Variants in C6orf132 observed in about 807,000 individuals in gnomAD.
The protein encoded by C6orf132 is chromosome 6 open reading frame 132, also known as uncharacterized protein C6orf132.
A neutral mutation model predicts 65.3 loss-of-function variants in C6orf132; 43 were observed. The ratio of observed to expected loss-of-function variants is 0.66; its 90% CI spans 0.52 to 0.85. The LOEUF (loss-of-function observed/expected upper bound fraction) is 0.85. Among genes scored for constraint, C6orf132 ranks in the 40% least tolerant of loss-of-function variants. The pLI is 0.00. For missense variants in C6orf132, 1,488 were observed against 1,548.8 expected, an observed-to-expected ratio of 0.96 and a Z score of 0.66; for synonymous variants, 631 against 654.1, an observed-to-expected ratio of 0.96 and a Z score of 0.54.
rs1281471527 is a variant in C6orf132, at chr6:42,124,293, G to A, written c.252+4379C>T. Among the ~76,000 whole-genome samples, 1 of 152,216 alleles carries A rather than the reference G, an allele frequency of 6.6e-6. No individual in the cohort carries two copies. The highest frequency in any genetic ancestry group is 1.5e-5 in the Non-Finnish European group (1 of 68,036). ...CTGCTGGATGCCTGATAAACACTTC[G>A]TAATTCCCAGCACCCACAGCACACA... On this transcript the variant is annotated intron_variant, in intron 2 of 4. Transcript: ENST00000341865. This position sits in a 1 kb window ranked among gnomAD's most constrained non-coding sequence, Gnocchi z 4.0.
rs745628273 is a variant in C6orf132, at chr6:42,104,758, C to T, written c.3154G>A (p.Glu1052Lys). 3.3e-4 allele frequency: 495 copies of T among 1,518,558 alleles called. No homozygotes were observed. Among genetic ancestry groups the T allele is most frequent in the Non-Finnish European group, 4.2e-4 (484 of 1,139,228 alleles). 94.1% of individuals were successfully genotyped at this position (1,518,558 alleles called of 1,614,324 possible). ...GARYAGAGGLERFSGGGRSLI... is the reference protein window; with the variant it reads ...GARYAGAGGLKRFSGGGRSLI... ...GAGCGGCCCCCTCCCGAGAAGCGCTCCAGGCCCCCAGCCCCGGCGTAGCGC... is the reference window on the plus strand; with the variant it reads ...GAGCGGCCCCCTCCCGAGAAGCGCTTCAGGCCCCCAGCCCCGGCGTAGCGC... The change falls in exon 4 of 5, where the codon GAG becomes AAG. Residue 1052 changes from glutamate (E) to lysine (K), a missense_variant. Coordinates refer to ENST00000341865, the MANE Select transcript of C6orf132 (RefSeq NM_001164446.3). This position sits in a 1 kb window ranked among gnomAD's most constrained non-coding sequence, Gnocchi z 4.1.
At position 42,103,592 on chromosome 6, in the gene C6orf132, T is replaced by A; in HGVS notation, c.*169A>T. The A allele has an allele frequency of 3.1e-6, 1 of 324,528 alleles. No individual in the cohort carries two copies. Among genetic ancestry groups the A allele is most frequent in the South Asian group, 1.2e-4 (1 of 8,494 alleles). The allele number at this position is 324,528 out of a possible 1,614,324, so 20.1% of individuals were successfully genotyped here. On this transcript the variant is annotated 3_prime_UTR_variant, in exon 5 of 5. Transcript: ENST00000341865. ...TTGGGAAACAGAAGCCCACTCTCGG[T>A]CTTCCTGGGCCACTGCTTCTCATCG...
chr6:42,139,943 T>G (rs564507744), intron 1 of C6orf132, among the ~76,000 whole-genome samples: 1 of 152,304 alleles, frequency 6.6e-6, no homozygotes, highest in South Asian at 2.1e-4. Context: ...CTTAGCCCTA[T>G]GTATTGACAG....
chr6:42,137,331 G>A (rs906525034), intron 1 of C6orf132, among the ~76,000 whole-genome samples: 5 of 152,174 alleles, frequency 3.3e-5, no homozygotes, highest in South Asian at 2.1e-4. Flanking sequence ...ATGGGGCGGC[G>A]GAGGGTGTAT....
chr6:42,114,333 G>A (rs1366536600), intron 2 of C6orf132, among the ~76,000 whole-genome samples: 3 of 152,166 alleles, frequency 2.0e-5, no homozygotes, highest in African/African-American at 7.2e-5. Context: ...CCAAAGGCCA[G>A]CCTCATCCCT....
At chr6:42,117,795 G>C (rs1202143621) in intron 2 of C6orf132, among the ~76,000 whole-genome samples, 2 of 151,552 alleles carry the variant, frequency 1.3e-5, no homozygotes, top group Non-Finnish European at 2.9e-5. Context: ...GTAGTGGTGG[G>C]CACCTGTAAT....
chr6:42,136,135 A>T (rs1248128644), intron 1 of C6orf132, among the ~76,000 whole-genome samples: 3 of 145,274 alleles, frequency 2.1e-5, no homozygotes, highest in Admixed American at 7.2e-5. Flanking sequence ...AATAAAAAAA[A>T]AATAAAAACT....
intron 2 of C6orf132, among the ~76,000 whole-genome samples, chr6:42,125,786 G>A (rs1489209541): frequency 6.6e-6 from 1 of 151,242 alleles, no homozygotes; most frequent in Non-Finnish European, 1.5e-5. Context: ...CCTTTGGCCA[G>A]GTCTGCCTGG....
In C6orf132 at chr6:42,142,562, T is replaced by C; in HGVS notation, c.-118A>G. 5.2e-6 allele frequency: 3 copies of C among 579,328 alleles called. No individual in the cohort carries two copies. Among genetic ancestry groups the C allele is most frequent in the South Asian group, 3.4e-5 (1 of 29,750 alleles). The allele number at this position is 579,328 out of a possible 1,614,324, so 35.9% of individuals were successfully genotyped here. A position where few individuals can be genotyped will look rare whatever the true frequency, so the allele number is the denominator to read the frequency against. On this transcript the variant is annotated 5_prime_UTR_variant, in exon 1 of 5. Coordinates refer to ENST00000341865, the MANE Select transcript of C6orf132 (RefSeq NM_001164446.3). ...CTCTACCAGGCCATGTCCCCCGCCG[T>C]CCTCCCCGCCCGCGCACCGGGCAAC...
At position 42,124,620 on chromosome 6, in the gene C6orf132, C is replaced by T. The variant is rs966548966; in HGVS notation, c.252+4052G>A. On this transcript the variant is annotated intron_variant, in intron 2 of 4. Transcript: ENST00000341865. This position sits in a 1 kb window ranked among gnomAD's most constrained non-coding sequence, Gnocchi z 4.0. ...CCGGCTGGGACAGTGTCAGGCAGGGCTAGGCACCGGCCCAGCTCCCCACCC... is the reference window on the plus strand; with the variant it reads ...CCGGCTGGGACAGTGTCAGGCAGGGTTAGGCACCGGCCCAGCTCCCCACCC... 1.3e-5 allele frequency among the ~76,000 whole-genome samples: 2 copies of T among 152,182 alleles called. No individual in the cohort carries two copies. Among genetic ancestry groups the T allele is most frequent in the Admixed American group, 6.5e-5 (1 of 15,282 alleles).
rs1038731372 is a variant in C6orf132, at chr6:42,103,023, C to T, written c.*738G>A. Reference sequence around the variant, plus strand: ...ACCTTGTTTCCCATCCTAAACTTGCCAAGTGTCCTCTCTCTAGGCCTCCCT... The same window carrying T: ...ACCTTGTTTCCCATCCTAAACTTGCTAAGTGTCCTCTCTCTAGGCCTCCCT... On this transcript the variant is annotated 3_prime_UTR_variant, in exon 5 of 5. Transcript: ENST00000341865. 1 of 395,044 alleles carries T rather than the reference C, an allele frequency of 2.5e-6. No homozygotes were observed. Among genetic ancestry groups the T allele is most frequent in the Admixed American group, 4.4e-5 (1 of 22,520 alleles). The allele number at this position is 395,044 out of a possible 1,614,324, so 24.5% of individuals were successfully genotyped here. A position where few individuals can be genotyped will look rare whatever the true frequency, so the allele number is the denominator to read the frequency against.
intron 1 of C6orf132, among the ~76,000 whole-genome samples, chr6:42,131,221 A>G (rs1766848129): frequency 6.6e-6 from 1 of 152,052 alleles, no homozygotes; most frequent in Admixed American, 6.5e-5. Flanking sequence ...GTGTTTCACC[A>G]TGTTGGCCAG....
chr6:42,107,351 G>T lies in C6orf132; in HGVS notation c.561C>A (p.Ala187=). 1 of 1,105,984 alleles carries T rather than the reference G, an allele frequency of 9.0e-7. No homozygotes were observed. Among genetic ancestry groups the T allele is most frequent in the Non-Finnish European group, 1.3e-6 (1 of 786,798 alleles). The allele number at this position is 1,105,984 out of a possible 1,614,324, so 68.5% of individuals were successfully genotyped here. The change falls in exon 4 of 5, where the codon GCC becomes GCA. Residue 187 remains alanine, a synonymous_variant. Coordinates refer to ENST00000341865, the MANE Select transcript of C6orf132 (RefSeq NM_001164446.3). ...LLEPPPPPSM[A]PPPPPVLEAL... is the part of the protein sequence containing the mutation. ...CCTCCAATACTGGGGGTGGAGGTGGGGCCATGCTGGGCGGGGGTGGGGGTT... is the reference window on the plus strand; with the variant it reads ...CCTCCAATACTGGGGGTGGAGGTGGTGCCATGCTGGGCGGGGGTGGGGGTT...
intron 2 of C6orf132, among the ~76,000 whole-genome samples, chr6:42,111,889 T>C (rs1766500193): frequency 6.6e-6 from 1 of 152,240 alleles, no homozygotes; most frequent in African/African-American, 2.4e-5. Context: ...ACCTGCTGTT[T>C]TGAAGAGCTG....
At chr6:42,119,636 T>C (rs1459249101) in intron 2 of C6orf132, among the ~76,000 whole-genome samples, 3 of 151,674 alleles carry the variant, frequency 2.0e-5, no homozygotes, top group Non-Finnish European at 2.9e-5. Context: ...CGTGAGCCAC[T>C]GCACCCAGCC....
intron 2 of C6orf132, among the ~76,000 whole-genome samples, chr6:42,114,190 T>C (rs1481318908): frequency 6.6e-6 from 1 of 152,204 alleles, no homozygotes; most frequent in Non-Finnish European, 1.5e-5. Flanking sequence ...GAGCGGCTTG[T>C]AACAACAGCT....
chr6:42,127,165 G>A (rs542144325), intron 2 of C6orf132, among the ~76,000 whole-genome samples: 1 of 152,256 alleles, frequency 6.6e-6, no homozygotes, highest in African/African-American at 2.4e-5. Context: ...ATATTGCCCA[G>A]GCTAGTCTTG....
At chr6:42,138,920 CTT>C (rs1279136669) in intron 1 of C6orf132, among the ~76,000 whole-genome samples, 3 of 150,502 alleles carry the variant, frequency 2.0e-5, no homozygotes, top group Non-Finnish European at 4.4e-5. Context: ...GGGCAGAAGA[CTT>C]TGTTAGGATT....
At chr6:42,141,515 G>A (rs1400797963) in intron 1 of C6orf132, among the ~76,000 whole-genome samples, 1 of 152,232 alleles carries the variant, frequency 6.6e-6, no homozygotes, top group African/African-American at 2.4e-5. Context: ...CAGAGCCTGG[G>A]GATGAGCCAA....
Sources: gnomAD v4.1 joint callset for allele counts (sites outside exome capture counted in the v4.1 genomes callset) on GRCh38, gnomAD v4.1.1 for gene constraint, Gnocchi (gnomAD v3.1) non-coding constraint, MANE v1.5 for transcripts, NCBI Gene and HGNC (gene_info 2026-07-23, HGNC 2026-07-21) for gene names.